FRAS1: variants seen among roughly 807,000 people sequenced by gnomAD.
FRAS1 encodes the protein extracellular matrix organizing protein FRAS1.
Under a neutral mutation model 435.2 loss-of-function variants are expected in FRAS1, and 290 were observed. The observed-to-expected ratio is 0.67, with a 90% CI of 0.61 to 0.73. FRAS1 has a LOEUF of 0.73. FRAS1 is among the 30% of genes least tolerant of loss of function. The pLI is 0.00. For missense variants in FRAS1, 4,860 were observed against 5,001.5 expected (o/e 0.97, Z 0.85); for synonymous variants, 1,800 against 1,851.0 (o/e 0.97, Z 0.71).
At chr4:78,423,433 G>GA (rs1733873621) in intron 34 of FRAS1, among the ~76,000 whole-genome samples, 1 of 34,762 alleles carries the variant, frequency 2.9e-5, no homozygotes, top group Admixed American at 2.3e-4. Flanking sequence ...CCAAAGTGCT[G>GA]GGAGCCACTG....
Position 78,062,242 on chromosome 4 carries a change from G to A in FRAS1, c.77-3743G>A, listed in dbSNP as rs572097634. On this transcript the variant is annotated intron_variant, in intron 1 of 73. Transcript: ENST00000512123. ...TTGGAGCCTCATGCCAAATCTTACC[G>A]TAGTTCCAAAACAGTTGGCCCACTT... is the stretch of plus-strand genomic sequence containing the variant. Among the ~76,000 whole-genome samples, 14 of 152,258 alleles carry A rather than the reference G, an allele frequency of 9.2e-5. No individual in the cohort carries two copies. In the East Asian group the frequency reaches 1.4e-3, roughly 15 times the overall value.
chr4:78,272,656 G>T (rs138940726), intron 9 of FRAS1, among the ~76,000 whole-genome samples: 3 of 152,126 alleles, frequency 2.0e-5, no homozygotes, highest in Admixed American at 1.3e-4. Context: ...GCTCTGTTCT[G>T]TTCCATTGGT....
intron 6 of FRAS1, among the ~76,000 whole-genome samples, chr4:78,257,695 T>A (rs957513507): frequency 2.0e-5 from 3 of 152,180 alleles, no homozygotes; most frequent in Non-Finnish European, 4.4e-5. Context: ...GGAGGAGAAT[T>A]CATTCCAGTC....
chr4:78,371,341 A>G (rs1332822236), intron 23 of FRAS1, among the ~76,000 whole-genome samples: 1 of 152,122 alleles, frequency 6.6e-6, no homozygotes, highest in Non-Finnish European at 1.5e-5. Context: ...TATTCTACCA[A>G]GGAAGAGAAA....
chr4:78,470,938 G>A (rs1214203808), intron 51 of FRAS1, among the ~76,000 whole-genome samples: 3 of 152,172 alleles, frequency 2.0e-5, no homozygotes, highest in African/African-American at 7.2e-5. Flanking sequence ...TGGCCCAAAT[G>A]TTGCATGGGA....
intron 61 of FRAS1, among the ~76,000 whole-genome samples, 157 bp from the exon 62 acceptor site, chr4:78,507,264 A>T (rs1469865194): frequency 1.3e-5 from 2 of 152,188 alleles, no homozygotes; most frequent in African/African-American, 4.8e-5. Context: ...CTCACTTGAG[A>T]TGGGGCTAAA....
chr4:78,465,186 C>T (rs1719489161), intron 49 of FRAS1, among the ~76,000 whole-genome samples: 1 of 152,200 alleles, frequency 6.6e-6, no homozygotes, highest in South Asian at 2.1e-4. Context: ...TGCCAGCACT[C>T]ATTGATTGAT....
At chr4:78,507,339 T>C (rs540122767) in intron 61 of FRAS1, 82 bp from the exon 62 acceptor site, 7 of 1,176,294 alleles carry the variant, frequency 6.0e-6, no homozygotes, top group Non-Finnish European at 8.3e-6. Context: ...TAACATAATG[T>C]CTCAGCAGTG....
rs80158793 is a variant in FRAS1, at chr4:78,143,320, G to A, written c.108+77304G>A. On this transcript the variant is annotated intron_variant, in intron 2 of 73. Transcript: ENST00000512123. ...TAAATATGTATATACCTAATAACATGGCTTTAAAATATATAAAGCAAAAAG... is the reference window on the plus strand; with the variant it reads ...TAAATATGTATATACCTAATAACATAGCTTTAAAATATATAAAGCAAAAAG... Among the ~76,000 whole-genome samples the A allele has an allele frequency of 7.3e-3, 1,112 of 151,858 alleles. 32 individuals carry two copies. The South Asian group carries it at 0.084, about 12-fold the overall frequency.
intron 30 of FRAS1, among the ~76,000 whole-genome samples, chr4:78,402,966 G>C (rs111985557): frequency 6.6e-6 from 1 of 152,108 alleles, no homozygotes; most frequent in African/African-American, 2.4e-5. Flanking sequence ...ATCTCACTGC[G>C]TCTTATGACA....
chr4:78,294,824 C>T (rs532696398), intron 14 of FRAS1, among the ~76,000 whole-genome samples: 169 of 152,014 alleles, frequency 1.1e-3, no homozygotes, highest in African/African-American at 3.9e-3. Flanking sequence ...AAAATTCCCC[C>T]CAAATACCAA....
At chr4:78,350,699 G>C in intron 20 of FRAS1, among the ~76,000 whole-genome samples, 1 of 2,014 alleles carries the variant, frequency 5.0e-4, no homozygotes, top group Non-Finnish European at 8.9e-4. Flanking sequence ...CTCACTCAAA[G>C]CCACTCAACT....
At chr4:78,087,395 A>G (rs1275360871) in intron 2 of FRAS1, among the ~76,000 whole-genome samples, 1 of 152,178 alleles carries the variant, frequency 6.6e-6, no homozygotes, top group African/African-American at 2.4e-5. Context: ...CACCACTCCT[A>G]TTCAACATAG....
intron 2 of FRAS1, chr4:78,181,460 T>G (rs1721996199): frequency 3.7e-6 from 6 of 1,611,900 alleles, no homozygotes; most frequent in Non-Finnish European, 5.1e-6. Context: ...ACTTCCACTA[T>G]GCCTATCAAA....
intron 2 of FRAS1, among the ~76,000 whole-genome samples, chr4:78,081,838 C>G (rs1740910694): frequency 6.6e-6 from 1 of 152,124 alleles, no homozygotes; most frequent in Non-Finnish European, 1.5e-5. Context: ...TCCCTCCTTT[C>G]TCAAAGAACC....
At chr4:78,469,886 A>T in intron 50 of FRAS1, 92 bp from the exon 51 acceptor site, 1 of 892,624 alleles carries the variant, frequency 1.1e-6, no homozygotes, top group Non-Finnish European at 1.8e-6. Context: ...AAGTGTTAGC[A>T]GACTTCAGAG....
At chr4:78,198,580 C>G (rs968127185) in intron 2 of FRAS1, among the ~76,000 whole-genome samples, 1 of 152,220 alleles carries the variant, frequency 6.6e-6, no homozygotes, top group Non-Finnish European at 1.5e-5. Flanking sequence ...TCATAGCTTG[C>G]TGCTGAAATA....
In FRAS1 at chr4:78,528,007, G is replaced by A. The variant is rs143417512; in HGVS notation, c.10925+1350G>A. On this transcript the variant is annotated intron_variant, in intron 70 of 73. Coordinates refer to ENST00000512123, the MANE Select transcript of FRAS1 (RefSeq NM_025074.7). ...TTCATCCACTGAAGAGGCAGGCAGT[G>A]AATCAATGGAAGCAGGTGAAAGGAG... Among the ~76,000 whole-genome samples the A allele has an allele frequency of 3.3e-4, 50 of 152,242 alleles. 1 individual carries two copies. The highest frequency in any genetic ancestry group is 1.2e-3 in the African/African-American group (49 of 41,552).
chr4:78,184,852 A>G (rs1407282828), intron 2 of FRAS1, among the ~76,000 whole-genome samples: 1 of 152,256 alleles, frequency 6.6e-6, no homozygotes, highest in Non-Finnish European at 1.5e-5. Flanking sequence ...GTGAAATCTC[A>G]CAGCAGCATC....
Sources: allele counts gnomAD v4.1 joint callset (sites outside exome capture counted in the v4.1 genomes callset), GRCh38; gene constraint gnomAD v4.1.1; transcripts MANE v1.5; gene names NCBI Gene and HGNC (gene_info 2026-07-23, HGNC 2026-07-21).